The following FGD6 variants were observed in gnomAD, a reference collection of about 807,000 sequenced individuals.
FGD6 encodes FYVE, RhoGEF and PH domain-containing protein 6.
In FGD6, 90 loss-of-function variants were observed where a neutral mutation model predicts 149.4. That is an observed-to-expected ratio of 0.60 (90% confidence interval 0.51 to 0.72). The LOEUF is 0.72. FGD6 is among the 30% of genes least tolerant of loss of function. The pLI is 0.00. For synonymous variants in FGD6, 527 were observed against 584.0 expected (o/e 0.90, Z 1.41); for missense variants, 1,437 against 1,684.8 (o/e 0.85, Z 2.57).
intron 5 of FGD6, among the ~76,000 whole-genome samples, chr12:95,149,774 T>C (rs889966903): frequency 2.1e-4 from 31 of 145,140 alleles, no homozygotes; most frequent in Admixed American, 1.4e-3. Context: ...TTATATATAG[T>C]ATATATAGTA....
intron 2 of FGD6, among the ~76,000 whole-genome samples, chr12:95,208,178 G>A (rs1349904436): frequency 1.3e-5 from 2 of 152,020 alleles, no homozygotes; most frequent in Non-Finnish European, 2.9e-5. Flanking sequence ...CTTGAGCCTG[G>A]GGAGTCGAGG....
chr12:95,210,546 A>C lies in FGD6; in HGVS notation c.738T>G (p.Pro246=), dbSNP rs146332031. 4.3e-6 allele frequency: 7 copies of C among 1,614,178 alleles called. No homozygotes were observed. Among genetic ancestry groups the C allele is most frequent in the Non-Finnish European group, 5.9e-6 (7 of 1,180,040 alleles). ...PDHHSCHLQL[P]SDECEHFETC... is the part of the protein sequence containing the mutation. ...TTTCAAAATGTTCACATTCATCACT[A>C]GGAAGCTGTAAGTGGCAACTGTGAT... The change falls in exon 2 of 21, where the codon CCT becomes CCG. Residue 246 remains proline, a synonymous_variant. Transcript: ENST00000343958.
At position 95,077,481 on chromosome 12, in the gene FGD6, T is replaced by G. The variant is rs940565888; in HGVS notation, c.*4039A>C. Reference sequence around the variant, plus strand: ...AGGAAACTGTGTGAACAAAGAAAGGTTGGGTAAGAGTTAGCTGGAATGTAT... The same window carrying G: ...AGGAAACTGTGTGAACAAAGAAAGGGTGGGTAAGAGTTAGCTGGAATGTAT... On this transcript the variant is annotated 3_prime_UTR_variant, in exon 21 of 21. Coordinates refer to ENST00000343958, the MANE Select transcript of FGD6 (RefSeq NM_018351.4). 1.3e-5 allele frequency: 2 copies of G among 151,808 alleles called. No individual in the cohort carries two copies. Among genetic ancestry groups the G allele is most frequent in the African/African-American group, 4.8e-5 (2 of 41,262 alleles). The allele number at this position is 151,808 out of a possible 1,614,324, so 9.4% of individuals were successfully genotyped here.
At chr12:95,194,041 T>C (rs1418283793) in intron 2 of FGD6, among the ~76,000 whole-genome samples, 5 of 151,848 alleles carry the variant, frequency 3.3e-5, no homozygotes, top group Non-Finnish European at 7.4e-5. Context: ...TCCAGTGATC[T>C]TCCTGCCTCA....
At chr12:95,195,780 G>C (rs1198210207) in intron 2 of FGD6, among the ~76,000 whole-genome samples, 2 of 109,996 alleles carry the variant, frequency 1.8e-5, no homozygotes, top group Non-Finnish European at 3.6e-5. Context: ...GGTGGGAGGG[G>C]GGTGGGTGTG....
chr12:95,187,426 G>A (rs7979461), intron 2 of FGD6, among the ~76,000 whole-genome samples: 2 of 21,142 alleles, frequency 9.5e-5, no homozygotes, highest in Admixed American at 5.5e-4. Context: ...ATCATGAGGT[G>A]GGCAGATCAT....
chr12:95,127,757 G>A (rs1005567705), intron 8 of FGD6, among the ~76,000 whole-genome samples: 1 of 152,142 alleles, frequency 6.6e-6, no homozygotes, highest in African/African-American at 2.4e-5. Context: ...AATATAATAT[G>A]TTGTTAAAGT....
In FGD6 at chr12:95,209,033, T is replaced by A. The variant is rs749811557; in HGVS notation, c.2251A>T (p.Ile751Leu). Reference protein sequence around the residue: ...TSLCAPEYENIRHYEEIPEYE... With the variant: ...TSLCAPEYENLRHYEEIPEYE... ...TCTGGTATTTCCTCATAATGGCGTA[T>A]ATTTTCATACTCCGGTGCACAGAGG... Residue 751 changes from isoleucine (I) to leucine (L), a missense_variant, in exon 2 of 21, where the codon ATA (isoleucine) becomes TTA (leucine). By Grantham distance (5) the Ile-to-Leu change is conservative. Around this residue, in one of 2 missense-constraint regions of FGD6, gnomAD observed 1,055 missense variants for 1,146.0 expected, o/e 0.92. Coordinates refer to ENST00000343958, the MANE Select transcript of FGD6 (RefSeq NM_018351.4). The A allele has an allele frequency of 6.2e-7, 1 of 1,614,082 alleles. No homozygotes were observed. Among genetic ancestry groups the A allele is most frequent in the African/African-American group, 1.3e-5 (1 of 74,932 alleles).
At chr12:95,198,566 A>G (rs1332379488) in intron 2 of FGD6, among the ~76,000 whole-genome samples, 1 of 152,042 alleles carries the variant, frequency 6.6e-6, no homozygotes, top group Non-Finnish European at 1.5e-5. Flanking sequence ...CAGCCTCCCG[A>G]GTAGCTAGGA....
chr12:95,126,855 G>A (rs535657479), intron 8 of FGD6, among the ~76,000 whole-genome samples: 13 of 152,110 alleles, frequency 8.5e-5, no homozygotes, highest in Admixed American at 2.0e-4. Flanking sequence ...TTGAACCCAG[G>A]AGTCGGAAGT....
chr12:95,139,284 A>T (rs6538605), intron 6 of FGD6, among the ~76,000 whole-genome samples: 73,248 of 151,638 alleles, frequency 0.48, 17,984 homozygotes, highest in Middle Eastern at 0.62. Flanking sequence ...ACAAAAAATT[A>T]AAAAAATTAG....
chr12:95,201,572 G>A (rs1273499959), intron 2 of FGD6, among the ~76,000 whole-genome samples: 1 of 152,082 alleles, frequency 6.6e-6, no homozygotes, highest in Non-Finnish European at 1.5e-5. Flanking sequence ...TTGACTGAAG[G>A]ATGATTGTCT....
Position 95,079,480 on chromosome 12 carries a change from T to A in FGD6, c.*2040A>T, listed in dbSNP as rs982261593. On this transcript the variant is annotated 3_prime_UTR_variant, in exon 21 of 21. Transcript: ENST00000343958. ...ACCTTGTAGTCAGAAGGCTGAGAGC[T>A]CAAGAGGAGGGAAAGAAAACCCAAA... is the stretch of plus-strand genomic sequence containing the variant. 2.0e-5 allele frequency: 3 copies of A among 152,148 alleles called. No homozygotes were observed. Among genetic ancestry groups the A allele is most frequent in the African/African-American group, 7.2e-5 (3 of 41,406 alleles). The allele number at this position is 152,148 out of a possible 1,614,324, so 9.4% of individuals were successfully genotyped here. A position where few individuals can be genotyped will look rare whatever the true frequency, so the allele number is the denominator to read the frequency against.
intron 2 of FGD6, among the ~76,000 whole-genome samples, chr12:95,190,563 A>C (rs1881558860): frequency 6.6e-6 from 1 of 152,298 alleles, no homozygotes; most frequent in South Asian, 2.1e-4. Context: ...TAATTAGTCC[A>C]TTCCAGGGCT....
intron 6 of FGD6, among the ~76,000 whole-genome samples, chr12:95,138,610 CT>C (rs1483926430): frequency 1.3e-5 from 2 of 152,070 alleles, no homozygotes. Context: ...TTTCTGACCC[CT>C]GTCACACTTC....
At chr12:95,161,596 T>C (rs2136277873) in intron 3 of FGD6, among the ~76,000 whole-genome samples, 1 of 152,288 alleles carries the variant, frequency 6.6e-6, no homozygotes, top group South Asian at 2.1e-4. Context: ...CCAAATAAAC[T>C]CTCTACTTAC....
In FGD6 at chr12:95,091,928, A is replaced by G. The variant is rs559898757; in HGVS notation, c.3748-119T>C. 4.2e-6 allele frequency: 3 copies of G among 709,542 alleles called. No individual in the cohort carries two copies. In the African/African-American group the frequency reaches 5.4e-5, roughly 13 times the overall value. 44.0% of individuals were successfully genotyped at this position (709,542 alleles called of 1,614,324 possible). A position where few individuals can be genotyped will look rare whatever the true frequency, so the allele number is the denominator to read the frequency against. ...TTTCAAAACAGTTTCAGAGTCACTG[A>G]GTCTCACTTCGTCTCAATAATAACT... On this transcript the variant is annotated intron_variant, in intron 16 of 20. Coordinates refer to ENST00000343958, the MANE Select transcript of FGD6 (RefSeq NM_018351.4).
intron 3 of FGD6, among the ~76,000 whole-genome samples, chr12:95,169,145 G>C (rs979865501): frequency 4.6e-5 from 7 of 152,090 alleles, no homozygotes; most frequent in Non-Finnish European, 8.8e-5. Context: ...TAGGGGTGGA[G>C]GGTATTGGGA....
intron 14 of FGD6, among the ~76,000 whole-genome samples, chr12:95,102,800 C>T (rs1028361986): frequency 6.6e-6 from 1 of 152,134 alleles, no homozygotes; most frequent in South Asian, 2.1e-4. Flanking sequence ...TAAAGGTTGT[C>T]AGAAACACCT....
Sources: gnomAD v4.1 joint callset for allele counts (sites outside exome capture counted in the v4.1 genomes callset) on GRCh38, gnomAD v4.1.1 for gene constraint, gnomAD v4.1.1 regional missense constraint, MANE v1.5 for transcripts, NCBI Gene and HGNC (gene_info 2026-07-23, HGNC 2026-07-21) for gene names.